PDSS2: variants seen among roughly 807,000 people sequenced by gnomAD.
PDSS2 encodes decaprenyl diphosphate synthase subunit 2, also known as all trans-polyprenyl-diphosphate synthase PDSS2.
In PDSS2, 31 loss-of-function variants were observed where a neutral mutation model predicts 44.5. The ratio of observed to expected loss-of-function variants is 0.70; its 90% confidence interval spans 0.52 to 0.94. The LOEUF is 0.94. Ranked by LOEUF, PDSS2 falls within the 40% of genes least tolerant of loss-of-function variation. PDSS2 has a pLI of 0.00. For synonymous variants in PDSS2, 157 were observed against 180.3 expected (o/e 0.87, Z 1.03); for missense variants, 452 against 482.2 (o/e 0.94, Z 0.59).
At chr6:107,272,455 G>A (rs542086809) in intron 3 of PDSS2, among the ~76,000 whole-genome samples, 34 of 152,246 alleles carry the variant, frequency 2.2e-4, no homozygotes, top group Non-Finnish European at 4.3e-4. Context: ...GGGCCATGAT[G>A]TGGTAAGATA....
chr6:107,405,809 T>C (rs1780298029), intron 1 of PDSS2, among the ~76,000 whole-genome samples: 1 of 141,926 alleles, frequency 7.0e-6, no homozygotes, highest in South Asian at 2.2e-4. Context: ...ATCCCGCCAC[T>C]GCACTCCAGC....
intron 6 of PDSS2, among the ~76,000 whole-genome samples, chr6:107,195,235 C>T (rs549105535): frequency 6.6e-6 from 1 of 152,054 alleles, no homozygotes; most frequent in Non-Finnish European, 1.5e-5. Flanking sequence ...AATCCCAGCA[C>T]CTTGGGAGGC....
chr6:107,302,488 A>C (rs1776728313), intron 2 of PDSS2, among the ~76,000 whole-genome samples: 1 of 151,984 alleles, frequency 6.6e-6, no homozygotes, highest in African/African-American at 2.4e-5. Context: ...GGCTGGTTTC[A>C]AACTCCTGGT....
At chr6:107,286,493 G>C (rs930432214) in intron 2 of PDSS2, among the ~76,000 whole-genome samples, 9 of 151,392 alleles carry the variant, frequency 5.9e-5, no homozygotes, top group African/African-American at 1.9e-4. Context: ...CTGGTTGACA[G>C]AGTGAGACTC....
At chr6:107,185,990 T>C (rs1416034525) in intron 7 of PDSS2, among the ~76,000 whole-genome samples, 3 of 152,250 alleles carry the variant, frequency 2.0e-5, no homozygotes, top group African/African-American at 4.8e-5. Context: ...ATACAACTTC[T>C]GCAGTTTTAA....
intron 7 of PDSS2, among the ~76,000 whole-genome samples, chr6:107,178,019 A>G (rs767732665): frequency 6.6e-6 from 1 of 152,078 alleles, no homozygotes; most frequent in Non-Finnish European, 1.5e-5. Flanking sequence ...TACATTTCTT[A>G]TATCCTTCTC....
intron 1 of PDSS2, among the ~76,000 whole-genome samples, chr6:107,425,951 AC>A (rs1283146212): frequency 6.7e-6 from 1 of 149,908 alleles, no homozygotes; most frequent in East Asian, 2.0e-4. Flanking sequence ...ACAGAGCGAG[AC>A]TTCGTCTCGA....
chr6:107,384,170 C>T (rs1201318421), intron 1 of PDSS2, among the ~76,000 whole-genome samples: 1 of 152,122 alleles, frequency 6.6e-6, no homozygotes, highest in Non-Finnish European at 1.5e-5. Context: ...ACAAATATTC[C>T]ATAATTTCAT....
chr6:107,202,292 G>A (rs1180353198), intron 6 of PDSS2, among the ~76,000 whole-genome samples: 1 of 151,940 alleles, frequency 6.6e-6, no homozygotes, highest in Non-Finnish European at 1.5e-5. Context: ...TCCCGCCTTG[G>A]CCTCCCAAAG....
At chr6:107,303,833 C>G (rs1266501623) in intron 2 of PDSS2, among the ~76,000 whole-genome samples, 1 of 152,152 alleles carries the variant, frequency 6.6e-6, no homozygotes, top group African/African-American at 2.4e-5. Flanking sequence ...CATATCTGTA[C>G]AAGTGAAATT....
intron 1 of PDSS2, among the ~76,000 whole-genome samples, chr6:107,385,171 C>T (rs780896715): frequency 1.3e-5 from 2 of 152,114 alleles, no homozygotes; most frequent in African/African-American, 2.4e-5. Flanking sequence ...ATCTTTAGAA[C>T]ATGACCGTAA....
intron 1 of PDSS2, among the ~76,000 whole-genome samples, chr6:107,373,609 A>T (rs1196589521): frequency 6.6e-6 from 1 of 152,152 alleles, no homozygotes; most frequent in East Asian, 1.9e-4. Context: ...CAAAAGTACC[A>T]TCTATAACTT....
At chr6:107,210,824 C>T (rs559584684) in intron 5 of PDSS2, among the ~76,000 whole-genome samples, 16 of 149,428 alleles carry the variant, frequency 1.1e-4, no homozygotes, top group Non-Finnish European at 1.9e-4. Flanking sequence ...GTCAAAATGG[C>T]GAAACCCCAT....
At chr6:107,205,690 G>A (rs1299267138) in intron 6 of PDSS2, among the ~76,000 whole-genome samples, 1 of 151,962 alleles carries the variant, frequency 6.6e-6, no homozygotes, top group East Asian at 1.9e-4. Context: ...AAAGAGTGTG[G>A]TTGTGTGCGT....
intron 1 of PDSS2, among the ~76,000 whole-genome samples, chr6:107,391,882 A>G (rs911607544): frequency 4.6e-5 from 6 of 131,268 alleles, no homozygotes; most frequent in Non-Finnish European, 3.5e-5. Context: ...AGCAAGTCAA[A>G]CAAGTACAAA....
intron 2 of PDSS2, among the ~76,000 whole-genome samples, chr6:107,288,034 G>A (rs555822331): frequency 5.9e-5 from 9 of 152,062 alleles, no homozygotes; most frequent in African/African-American, 1.9e-4. Flanking sequence ...ATAAAAATTA[G>A]AGATGGGGTT....
intron 6 of PDSS2, among the ~76,000 whole-genome samples, chr6:107,208,226 T>C (rs1360070970): frequency 6.7e-6 from 1 of 148,318 alleles, no homozygotes; most frequent in African/African-American, 2.5e-5. Context: ...CCTCTGGTGA[T>C]CCACCTGCCT....
chr6:107,284,773 T>C (rs1323586054), intron 2 of PDSS2, among the ~76,000 whole-genome samples: 2 of 152,238 alleles, frequency 1.3e-5, no homozygotes, highest in Non-Finnish European at 2.9e-5. Flanking sequence ...CATCTGAATA[T>C]TCTTCGAAAA....
intron 6 of PDSS2, among the ~76,000 whole-genome samples, chr6:107,196,271 C>T (rs1187053246): frequency 6.6e-6 from 1 of 152,130 alleles, no homozygotes; most frequent in Non-Finnish European, 1.5e-5. Context: ...GTAGGGAAGC[C>T]CTGAACACAT....
Sources: allele counts gnomAD v4.1 joint callset (sites outside exome capture counted in the v4.1 genomes callset), GRCh38; gene constraint gnomAD v4.1.1; transcripts MANE v1.5; gene names NCBI Gene and HGNC (gene_info 2026-07-23, HGNC 2026-07-21).